Variants in FAM168A observed in about 807,000 individuals in gnomAD.
The protein encoded by FAM168A is protein FAM168A.
Under a neutral mutation model 28.5 loss-of-function variants are expected in FAM168A, and 3 were observed. That is an observed-to-expected ratio of 0.11 (90% CI 0.05 to 0.27). The LOEUF (loss-of-function observed/expected upper bound fraction) is 0.27, where lower values mean the gene tolerates loss of function less well. FAM168A is among the 10% of genes least tolerant of loss of function. FAM168A has a pLI of 1.00. For synonymous variants in FAM168A, 122 were observed against 124.2 expected (o/e 0.98, Z 0.12); for missense variants, 222 against 311.5 (o/e 0.71, Z 2.16).
At position 73,430,640 on chromosome 11, in the gene FAM168A, G is replaced by A. The variant is rs563427064; in HGVS notation, c.151+50C>T. On this transcript the variant is annotated intron_variant, in intron 3 of 7. Transcript: ENST00000356467. ...CAAGTGGTTTTGCTTTTCCCAAATA[G>A]AGTCCCCCTTCCCACTCCATTCGCC... 74 of 1,543,546 alleles carry A rather than the reference G, an allele frequency of 4.8e-5. No homozygotes were observed. The East Asian group carries it at 1.6e-3, about 33-fold the overall frequency.
At chr11:73,526,445 C>T (rs554778446) in intron 1 of FAM168A, among the ~76,000 whole-genome samples, 2 of 152,196 alleles carry the variant, frequency 1.3e-5, no homozygotes, top group South Asian at 4.1e-4. Context: ...CTAACCCTGC[C>T]TTTGACTCGA....
intron 1 of FAM168A, among the ~76,000 whole-genome samples, chr11:73,556,453 T>C (rs2134698360): frequency 6.6e-6 from 1 of 150,914 alleles, no homozygotes; most frequent in Non-Finnish European, 1.5e-5. Context: ...AAAAGACAAA[T>C]CCTATATGAT....
intron 1 of FAM168A, among the ~76,000 whole-genome samples, chr11:73,545,104 CAACCTCCA>C (rs1346637861): frequency 7.1e-6 from 1 of 140,888 alleles, no homozygotes; most frequent in Non-Finnish European, 1.5e-5. Flanking sequence ...TGGCTCACTA[CAACCTCCA>C]CCTTTTGGGT....
intron 1 of FAM168A, among the ~76,000 whole-genome samples, chr11:73,541,258 G>A (rs1170815389): frequency 2.7e-5 from 4 of 150,536 alleles, no homozygotes; most frequent in African/African-American, 1.0e-4. Context: ...TAATATTAGT[G>A]TAAAAAGGTA....
chr11:73,429,543 C>T (rs1482502982), intron 3 of FAM168A, among the ~76,000 whole-genome samples: 1 of 152,162 alleles, frequency 6.6e-6, no homozygotes, highest in Non-Finnish European at 1.5e-5. Flanking sequence ...CTTCTACGTT[C>T]CTCACAGTGT....
intron 1 of FAM168A, among the ~76,000 whole-genome samples, chr11:73,512,969 A>C (rs1202756017): frequency 3.9e-4 from 59 of 152,132 alleles, no homozygotes; most frequent in Admixed American, 3.9e-3. Flanking sequence ...AACTCGTCCT[A>C]ATGTAAAGCT....
intron 3 of FAM168A, among the ~76,000 whole-genome samples, chr11:73,428,832 C>T (rs1256152345): frequency 1.3e-5 from 2 of 152,216 alleles, no homozygotes; most frequent in Non-Finnish European, 2.9e-5. Context: ...CTGCTCCCTT[C>T]ATAAGCTTTC....
intron 2 of FAM168A, among the ~76,000 whole-genome samples, chr11:73,431,986 C>CTATTTTATGTAAT (rs1363155202): frequency 6.6e-6 from 1 of 152,124 alleles, no homozygotes; most frequent in African/African-American, 2.4e-5. Context: ...CTGAATTTGC[C>CTATTTTATGTAAT]TATTTTATGT....
chr11:73,488,201 G>A (rs1470048291), intron 1 of FAM168A, among the ~76,000 whole-genome samples: 2 of 151,522 alleles, frequency 1.3e-5, no homozygotes, highest in African/African-American at 2.4e-5. Flanking sequence ...CACGATCTTG[G>A]CTCACCACAA....
chr11:73,506,384 GA>G, intron 1 of FAM168A, among the ~76,000 whole-genome samples: 1 of 150,932 alleles, frequency 6.6e-6, no homozygotes, highest in East Asian at 1.9e-4. Context: ...GTACTTATGT[GA>G]AATAAGGAGA....
intron 3 of FAM168A, chr11:73,430,464 A>T (rs1866968192): frequency 4.0e-6 from 2 of 495,600 alleles, no homozygotes; most frequent in East Asian, 7.8e-5. Context: ...CATAGGACAG[A>T]TGAGCCAACC....
In FAM168A at chr11:73,479,948, G is replaced by A. The variant is rs116186867; in HGVS notation, c.-18-11456C>T. 7.3e-3 allele frequency among the ~76,000 whole-genome samples: 1,112 copies of A among 152,096 alleles called. 17 individuals are homozygous for A. The highest frequency in any genetic ancestry group is 0.026 in the African/African-American group (1,074 of 41,498). ...AACTTTAAGAAAACTCCATTTCAGT[G>A]GTTTTTTTCTTAATTCTATCAATAC... On this transcript the variant is annotated intron_variant, in intron 1 of 7. Transcript: ENST00000356467.
intron 1 of FAM168A, among the ~76,000 whole-genome samples, chr11:73,496,903 A>G (rs7101786): frequency 1.8e-3 from 270 of 148,602 alleles, no homozygotes; most frequent in Non-Finnish European, 1.8e-3. Flanking sequence ...ACACACACAC[A>G]CACGCACACA....
chr11:73,484,570 C>CGA (rs1868018571), intron 1 of FAM168A, among the ~76,000 whole-genome samples: 2 of 144,206 alleles, frequency 1.4e-5, no homozygotes, highest in Admixed American at 7.0e-5. Flanking sequence ...ATCTATATAT[C>CGA]TATATATCGA....
intron 2 of FAM168A, among the ~76,000 whole-genome samples, chr11:73,442,921 G>A (rs2134532743): frequency 8.2e-6 from 1 of 121,722 alleles, no homozygotes; most frequent in South Asian, 2.9e-4. Flanking sequence ...GGAGACAGAA[G>A]AGTCCACAGG....
intron 1 of FAM168A, among the ~76,000 whole-genome samples, chr11:73,515,508 C>CA (rs61655633): frequency 0.017 from 1,107 of 66,244 alleles, 16 homozygotes; most frequent in African/African-American, 0.027. Context: ...AACTCTGTCT[C>CA]AAAAAAAAAA....
At chr11:73,449,355 A>C (rs1867384400) in intron 2 of FAM168A, among the ~76,000 whole-genome samples, 1 of 152,240 alleles carries the variant, frequency 6.6e-6, no homozygotes, top group African/African-American at 2.4e-5. Flanking sequence ...CGGAGCTGAG[A>C]TTCAAACACA....
chr11:73,586,585 T>C (rs1343028170), intron 1 of FAM168A, among the ~76,000 whole-genome samples: 2 of 152,208 alleles, frequency 1.3e-5, no homozygotes, highest in Non-Finnish European at 2.9e-5. Context: ...TTCCAGGCTA[T>C]ACAGGGGTGT....
At chr11:73,434,894 C>T (rs763590245) in intron 2 of FAM168A, among the ~76,000 whole-genome samples, 7 of 152,166 alleles carry the variant, frequency 4.6e-5, no homozygotes, top group Non-Finnish European at 8.8e-5. Context: ...TTTGAAGAGA[C>T]GTGACATCCC....
Sources: gnomAD v4.1 joint callset for allele counts (sites outside exome capture counted in the v4.1 genomes callset) on GRCh38, gnomAD v4.1.1 for gene constraint, MANE v1.5 for transcripts, NCBI Gene and HGNC (gene_info 2026-07-23, HGNC 2026-07-21) for gene names.